Variants in TEX26 observed in about 807,000 individuals in gnomAD.
TEX26 encodes testis expressed 26.
TEX26 carries 34 observed loss-of-function variants against 35.3 expected under a neutral mutation model. The ratio of observed to expected loss-of-function variants is 0.96; its 90% CI spans 0.73 to 1.28. TEX26 has a LOEUF of 1.28. Among genes scored for constraint, TEX26 ranks in the 50% most tolerant of loss-of-function variants. The probability of loss-of-function intolerance (pLI) is 0.00; values close to 1 mark genes in which losing one functional copy is unlikely to be tolerated. For missense variants in TEX26, 371 were observed against 330.1 expected, an observed-to-expected ratio of 1.12 and a Z score of -0.96; for synonymous variants, 136 against 111.8, an observed-to-expected ratio of 1.22 and a Z score of -1.36.
At chr13:30,960,064 G>T (rs929336054) in intron 4 of TEX26, among the ~76,000 whole-genome samples, 1 of 151,960 alleles carries the variant, frequency 6.6e-6, no homozygotes. Flanking sequence ...GTCTAATGAA[G>T]AAAAAAAGAC....
intron 4 of TEX26, among the ~76,000 whole-genome samples, chr13:30,964,427 T>C (rs765318060): frequency 6.6e-6 from 1 of 152,222 alleles, no homozygotes; most frequent in Non-Finnish European, 1.5e-5. Flanking sequence ...ACGCTAATTG[T>C]CTTAAGGTAG....
intron 4 of TEX26, among the ~76,000 whole-genome samples, chr13:30,961,509 A>G (rs1954341195): frequency 6.7e-6 from 1 of 150,092 alleles, no homozygotes; most frequent in Middle Eastern, 3.2e-3. Flanking sequence ...TTGCTCAATC[A>G]GTTGCTACAT....
rs190308391 is a variant in TEX26 at position 30,963,300 on chromosome 13, C to G, written c.470-2922C>G. Among the ~76,000 whole-genome samples, 4 of 152,234 alleles carry G rather than the reference C, an allele frequency of 2.6e-5. No individual in the cohort carries two copies. The East Asian group carries it at 7.7e-4, about 29-fold the overall frequency. On this transcript the variant is annotated intron_variant, in intron 4 of 6. Transcript: ENST00000380473. ...AGCTGAGCTCCTGAGGAACAGGAAC[C>G]CTGGGGGGAGGCGTCATTGGGTCAG...
intron 1 of TEX26, among the ~76,000 whole-genome samples, chr13:30,937,480 A>C (rs966990133): frequency 6.6e-6 from 1 of 151,684 alleles, no homozygotes; most frequent in African/African-American, 2.4e-5. Context: ...CCGAAAGTCC[A>C]ATGCCGAAGT....
At chr13:30,939,957 C>T (rs1435607651) in intron 2 of TEX26, among the ~76,000 whole-genome samples, 179 bp downstream of exon 2, 2 of 152,160 alleles carry the variant, frequency 1.3e-5, no homozygotes, top group African/African-American at 4.8e-5. Flanking sequence ...TCCCCTCAAA[C>T]AGTATCCACA....
chr13:30,955,878 G>T (rs762275124), intron 3 of TEX26, among the ~76,000 whole-genome samples: 4 of 152,128 alleles, frequency 2.6e-5, no homozygotes, highest in South Asian at 2.1e-4. Context: ...GCTGGGACAC[G>T]GTTGGTGGGC....
At chr13:30,967,971 C>G (rs1954596176) in intron 5 of TEX26, among the ~76,000 whole-genome samples, 1 of 152,246 alleles carries the variant, frequency 6.6e-6, no homozygotes, top group African/African-American at 2.4e-5. Flanking sequence ...CAAATGTGCA[C>G]AGGAGATGTC....
rs540208247 is a variant in TEX26 at position 30,966,541 on chromosome 13, G to A, written c.646+143G>A. Reference sequence around the variant, plus strand: ...AGATCTCCGCCTCCTGGGTTCAAGCGATTCTCCTGCCTCAGCCTCCCGAGT... The same window carrying A: ...AGATCTCCGCCTCCTGGGTTCAAGCAATTCTCCTGCCTCAGCCTCCCGAGT... On this transcript the variant is annotated intron_variant, in intron 5 of 6. Coordinates refer to ENST00000380473, the MANE Select transcript of TEX26 (RefSeq NM_152325.3). 8.8e-5 allele frequency: 62 copies of A among 704,862 alleles called. 1 individual carries two copies. The highest frequency in any genetic ancestry group is 7.5e-4 in the African/African-American group (40 of 53,408). The allele number at this position is 704,862 out of a possible 1,614,324, so 43.7% of individuals were successfully genotyped here. A position where few individuals can be genotyped will look rare whatever the true frequency, so the allele number is the denominator to read the frequency against.
At chr13:30,940,283 C>G (rs1159899797) in intron 2 of TEX26, among the ~76,000 whole-genome samples, 1 of 145,530 alleles carries the variant, frequency 6.9e-6, no homozygotes, top group Non-Finnish European at 1.5e-5. Context: ...CCAATTCAAC[C>G]TGAGCTGAGA....
chr13:30,954,275 TATACACACACACAC>T (rs1215052784), intron 3 of TEX26, among the ~76,000 whole-genome samples: 1 of 49,364 alleles, frequency 2.0e-5, no homozygotes, highest in Non-Finnish European at 4.0e-5. Flanking sequence ...TTTATAGACC[TATACACACACACAC>T]ACACACACAC....
At chr13:30,960,314 C>A (rs964354218) in intron 4 of TEX26, among the ~76,000 whole-genome samples, 2 of 152,160 alleles carry the variant, frequency 1.3e-5, no homozygotes, top group Non-Finnish European at 2.9e-5. Flanking sequence ...GTGATCTTGG[C>A]TCACTGCAGC....
intron 2 of TEX26, among the ~76,000 whole-genome samples, chr13:30,951,299 T>A (rs911684194): frequency 1.3e-5 from 2 of 149,626 alleles, no homozygotes; most frequent in African/African-American, 4.9e-5. Flanking sequence ...GAGGCTGCAG[T>A]GAGCTATGAT....
chr13:30,974,761 AT>A, intron 6 of TEX26, 84 bp from the exon 7 acceptor site: 1 of 1,329,292 alleles, frequency 7.5e-7, no homozygotes, highest in Non-Finnish European at 1.0e-6. Flanking sequence ...ATTATCAGAT[AT>A]TTTCTTCCTT....
At chr13:30,966,432 C>CTTTCTCT (rs1954534925) in intron 5 of TEX26, 34 bp downstream of exon 5, 1 of 847,872 alleles carries the variant, frequency 1.2e-6, no homozygotes, top group Non-Finnish European at 1.5e-6. Context: ...TTCTTTTTCT[C>CTTTCTCT]TTTTTTTTTT....
chr13:30,972,695 C>T (rs570576259), intron 6 of TEX26, among the ~76,000 whole-genome samples: 2 of 152,284 alleles, frequency 1.3e-5, no homozygotes, highest in East Asian at 1.9e-4. Flanking sequence ...AGCGCAGTGG[C>T]GTGATATTGG....
At chr13:30,974,740 T>C in intron 6 of TEX26, 106 bp from the exon 7 acceptor site, 1 of 1,143,466 alleles carries the variant, frequency 8.7e-7, no homozygotes, top group South Asian at 1.6e-5. Context: ...CAAATTTGTG[T>C]ATTTAGTAAT....
chr13:30,945,839 TG>T (rs1388845885), intron 2 of TEX26, among the ~76,000 whole-genome samples: 1 of 151,860 alleles, frequency 6.6e-6, no homozygotes, highest in Non-Finnish European at 1.5e-5. Context: ...TGTTTTGTTT[TG>T]CTTTTTAATA....
chr13:30,973,258 A>G (rs1392177402), intron 6 of TEX26: 1 of 152,242 alleles, frequency 6.6e-6, no homozygotes, highest in African/African-American at 2.4e-5. Context: ...AACGTGCTGA[A>G]TGAAAGAAGC....
At position 30,951,679 on chromosome 13, in the gene TEX26, T is replaced by G. The variant is rs537029971; in HGVS notation, c.147-981T>G. On this transcript the variant is annotated intron_variant, in intron 2 of 6. Transcript: ENST00000380473. Reference sequence around the variant, plus strand: ...GTATGTGGAAGCAAATCCCAGGCATTGTATCATTTCAATTCTAAAGATTTT... The same window carrying G: ...GTATGTGGAAGCAAATCCCAGGCATGGTATCATTTCAATTCTAAAGATTTT... 2.6e-5 allele frequency among the ~76,000 whole-genome samples: 4 copies of G among 152,290 alleles called. No homozygotes were observed. The East Asian group carries it at 7.7e-4, about 29-fold the overall frequency.
Sources: allele counts gnomAD v4.1 joint callset (sites outside exome capture counted in the v4.1 genomes callset), GRCh38; gene constraint gnomAD v4.1.1; transcripts MANE v1.5; gene names NCBI Gene and HGNC (gene_info 2026-07-23, HGNC 2026-07-21).